FAM81A: variants seen among roughly 807,000 people sequenced by gnomAD.
FAM81A encodes protein FAM81A.
In FAM81A, 19 loss-of-function variants were observed where a neutral mutation model predicts 46.7. That is an observed-to-expected ratio of 0.41 (90% CI 0.28 to 0.60). The LOEUF is 0.60. Among genes scored for constraint, FAM81A ranks in the 20% least tolerant of loss-of-function variants. FAM81A has a pLI of 0.34. For synonymous variants in FAM81A, 183 were observed against 152.9 expected (o/e 1.20, Z -1.45); for missense variants, 377 against 453.5 (o/e 0.83, Z 1.53).
chr15:59,496,203 G>A (rs752667400), intron 4 of FAM81A, among the ~76,000 whole-genome samples: 6 of 152,086 alleles, frequency 3.9e-5, no homozygotes, highest in Non-Finnish European at 7.4e-5. Flanking sequence ...TATAGTATAA[G>A]GTAAGGTTCC....
chr15:59,403,509 C>A (rs2081080852), intron 2 of FAM81A, among the ~76,000 whole-genome samples: 1 of 152,206 alleles, frequency 6.6e-6, no homozygotes, highest in Non-Finnish European at 1.5e-5. Flanking sequence ...TCTTGGACTT[C>A]CAGCCTCGAA....
intron 8 of FAM81A, among the ~76,000 whole-genome samples, chr15:59,520,982 C>G (rs1349465975): frequency 6.6e-6 from 1 of 152,162 alleles, no homozygotes; most frequent in Non-Finnish European, 1.5e-5. Flanking sequence ...TGTTGTTTCT[C>G]CCAGTATGGG....
rs145039459 is a variant in FAM81A at position 59,485,950 on chromosome 15, G to A, written c.295-6321G>A. On this transcript the variant is annotated intron_variant, in intron 3 of 8. Coordinates refer to ENST00000288228, the MANE Select transcript of FAM81A (RefSeq NM_152450.3). ...TCCCAGCACTTTGGGAGGCCAAGGC[G>A]GGTGGATCACCTGAGGTCAGAAGTT... Among the ~76,000 whole-genome samples, 1,349 of 152,178 alleles carry A rather than the reference G, an allele frequency of 8.9e-3. 20 individuals carry two copies. Among genetic ancestry groups the A allele is most frequent in the African/African-American group, 0.031 (1,279 of 41,522 alleles).
At chr15:59,404,127 C>T (rs1357228145) in intron 2 of FAM81A, among the ~76,000 whole-genome samples, 4 of 152,032 alleles carry the variant, frequency 2.6e-5, no homozygotes, top group South Asian at 2.1e-4. Context: ...ATGATTCGCC[C>T]GCCTCGGCCT....
intron 2 of FAM81A, among the ~76,000 whole-genome samples, chr15:59,412,973 G>A (rs1242366329): frequency 1.3e-5 from 2 of 152,144 alleles, no homozygotes; most frequent in South Asian, 4.1e-4. Context: ...CCAAACACAC[G>A]TACCCTGTGT....
chr15:59,449,868 T>C (rs1291562817), intron 1 of FAM81A, among the ~76,000 whole-genome samples: 3 of 151,120 alleles, frequency 2.0e-5, no homozygotes, highest in Admixed American at 6.6e-5. Context: ...TTAATATATT[T>C]GTGAGATTCA....
chr15:59,407,396 G>GCTATTCT (rs1170741470), intron 2 of FAM81A: 2 of 145,800 alleles, frequency 1.4e-5, no homozygotes, highest in African/African-American at 5.0e-5. Flanking sequence ...CTGGGTTCAC[G>GCTATTCT]CTATTCTCCT....
intron 5 of FAM81A, 68 bp downstream of exon 5, chr15:59,507,410 G>T: frequency 6.4e-7 from 1 of 1,559,544 alleles, no homozygotes; most frequent in Non-Finnish European, 8.7e-7. Context: ...ACATGGTGTT[G>T]ATTATTTCTT....
chr15:59,513,073 A>G (rs2082230081), intron 6 of FAM81A, among the ~76,000 whole-genome samples: 1 of 152,240 alleles, frequency 6.6e-6, no homozygotes, highest in Non-Finnish European at 1.5e-5. Flanking sequence ...ACATGTCTAC[A>G]TCACATACAT....
At chr15:59,445,267 G>A (rs1457842938) in intron 1 of FAM81A, 1 of 152,200 alleles carries the variant, frequency 6.6e-6, no homozygotes, top group African/African-American at 2.4e-5. Context: ...GTGCAGGCAA[G>A]ACATTGTGCT....
chr15:59,512,650 AC>A (rs1311623268), intron 6 of FAM81A, among the ~76,000 whole-genome samples: 1 of 152,032 alleles, frequency 6.6e-6, no homozygotes, highest in Non-Finnish European at 1.5e-5. Context: ...TCCATGTCTT[AC>A]CTGGCAGGGG....
At chr15:59,433,482 C>T (rs1375042741), upstream of FAM81A, among the ~76,000 whole-genome samples, 1 of 152,074 alleles carries the variant, frequency 6.6e-6, no homozygotes, top group Admixed American at 6.6e-5. Flanking sequence ...GGCATAACTA[C>T]TTCAAAAACA....
chr15:59,442,493 T>G (rs1243002443), intron 1 of FAM81A, among the ~76,000 whole-genome samples: 1 of 151,682 alleles, frequency 6.6e-6, no homozygotes, highest in Non-Finnish European at 1.5e-5. Context: ...GGTGAGCGCC[T>G]GTAATCCCAG....
intron 2 of FAM81A, among the ~76,000 whole-genome samples, chr15:59,419,865 G>A (rs566196326): frequency 1.3e-5 from 2 of 152,268 alleles, no homozygotes; most frequent in African/African-American, 2.4e-5. Context: ...ACAACAGAGC[G>A]AGACTCCATC....
At chr15:59,459,722 G>C (rs374899354) in intron 2 of FAM81A, among the ~76,000 whole-genome samples, 1 of 152,040 alleles carries the variant, frequency 6.6e-6, no homozygotes, top group Non-Finnish European at 1.5e-5. Context: ...CATGGAGACC[G>C]CTTCTAAAAC....
upstream of FAM81A, among the ~76,000 whole-genome samples, chr15:59,435,740 C>G (rs1196128649): frequency 2.0e-5 from 3 of 152,172 alleles, no homozygotes; most frequent in Admixed American, 2.0e-4. Flanking sequence ...TAGAATTGTT[C>G]TCTTTGATAA....
intron 1 of FAM81A, among the ~76,000 whole-genome samples, chr15:59,455,741 G>A (rs2081475794): frequency 6.6e-6 from 1 of 152,172 alleles, no homozygotes; most frequent in Non-Finnish European, 1.5e-5. Flanking sequence ...GATAATCAGT[G>A]GTGTGGCTTG....
chr15:59,498,784 AGCCGGGATTACAGGT>A (rs1417276811), intron 4 of FAM81A, among the ~76,000 whole-genome samples: 1 of 152,064 alleles, frequency 6.6e-6, no homozygotes, highest in Non-Finnish European at 1.5e-5. Flanking sequence ...CCTCCCGAGT[AGCCGGGATTACAGGT>A]GCCTGCCACC....
chr15:59,470,393 T>C (rs537388394), intron 3 of FAM81A, among the ~76,000 whole-genome samples: 2 of 152,326 alleles, frequency 1.3e-5, no homozygotes, highest in Admixed American at 6.5e-5. Context: ...TTGGAGGCTT[T>C]ACTAATTTCT....
Sources: allele counts gnomAD v4.1 joint callset (sites outside exome capture counted in the v4.1 genomes callset), GRCh38; gene constraint gnomAD v4.1.1; transcripts MANE v1.5; gene names NCBI Gene and HGNC (gene_info 2026-07-23, HGNC 2026-07-21).